CSMD3: variants seen among roughly 807,000 people sequenced by gnomAD.
CSMD3 encodes the protein CUB and sushi domain-containing protein 3.
Under a neutral mutation model 435.2 loss-of-function variants are expected in CSMD3, and 177 were observed. That is an observed-to-expected ratio of 0.41 (90% CI 0.36 to 0.46). The LOEUF (loss-of-function observed/expected upper bound fraction) is 0.46. CSMD3 is among the 20% of genes least tolerant of loss of function. CSMD3 has a pLI of 0.34. For synonymous variants in CSMD3, 1,656 were observed against 1,520.5 expected (o/e 1.09, Z -2.07); for missense variants, 4,265 against 4,504.6 (o/e 0.95, Z 1.52).
At chr8:112,725,492 T>C (rs1404178825) in intron 13 of CSMD3, among the ~76,000 whole-genome samples, 2 of 151,970 alleles carry the variant, frequency 1.3e-5, no homozygotes, top group African/African-American at 4.8e-5. Context: ...CTTTAAATTG[T>C]CCCATAGTAG....
At chr8:112,791,102 C>A (rs1475940511) in intron 13 of CSMD3, among the ~76,000 whole-genome samples, 1 of 152,012 alleles carries the variant, frequency 6.6e-6, no homozygotes, top group Non-Finnish European at 1.5e-5. Flanking sequence ...GCTGGAGGAT[C>A]ACTTGAGCCC....
chr8:112,592,911 T>A (rs925217086), intron 22 of CSMD3, among the ~76,000 whole-genome samples: 1 of 152,124 alleles, frequency 6.6e-6, no homozygotes, highest in Non-Finnish European at 1.5e-5. Context: ...TCTAGTATGA[T>A]ACAAGTTCAT....
chr8:113,424,304 A>C (rs11994371), intron 1 of CSMD3, among the ~76,000 whole-genome samples: 3,427 of 151,804 alleles, frequency 0.023, 112 homozygotes, highest in African/African-American at 0.077. Context: ...TTCATTTATG[A>C]CTCTTAACCT....
intron 32 of CSMD3, among the ~76,000 whole-genome samples, chr8:112,435,868 T>A (rs1814277247): frequency 1.3e-5 from 2 of 152,176 alleles, no homozygotes; most frequent in Non-Finnish European, 2.9e-5. Context: ...ACAATCTTGA[T>A]TATTTCTCAA....
intron 22 of CSMD3, among the ~76,000 whole-genome samples, chr8:112,596,723 C>T (rs146880995): frequency 0.57 from 86,705 of 151,584 alleles, 25,305 homozygotes; most frequent in African/African-American, 0.67. Flanking sequence ...CACTCAAAAC[C>T]GCTCAACTAG....
chr8:112,510,204 C>G (rs549987094), intron 28 of CSMD3, among the ~76,000 whole-genome samples: 1 of 152,210 alleles, frequency 6.6e-6, no homozygotes, highest in African/African-American at 2.4e-5. Flanking sequence ...ATAATTGAAA[C>G]GATTATTCCC....
Position 112,386,224 on chromosome 8 carries a change from C to T in CSMD3, c.5935-2561G>A, listed in dbSNP as rs1157284444. Among the ~76,000 whole-genome samples the T allele has an allele frequency of 1.6e-4, 25 of 152,156 alleles. 1 individual carries two copies. The highest frequency in any genetic ancestry group is 1.6e-3 in the Admixed American group (25 of 15,272). On this transcript the variant is annotated intron_variant, in intron 36 of 70. Coordinates refer to ENST00000297405, the MANE Select transcript of CSMD3 (RefSeq NM_198123.2). ...GTGCAGTAAAGCTGATTTTGGACTT[C>T]TTGCTTCCAGCGCTATGAGGAAAAA...
chr8:112,699,123 G>C (rs547079010), intron 13 of CSMD3, among the ~76,000 whole-genome samples: 1 of 152,036 alleles, frequency 6.6e-6, no homozygotes, highest in East Asian at 1.9e-4. Flanking sequence ...ACCCGCTCGC[G>C]TCCCCTTCCA....
At chr8:112,944,248 A>G (rs2083536671) in intron 9 of CSMD3, among the ~76,000 whole-genome samples, 1 of 151,628 alleles carries the variant, frequency 6.6e-6, no homozygotes, top group South Asian at 2.1e-4. Flanking sequence ...GAGCTTTCTC[A>G]TCTTCCAATC....
intron 12 of CSMD3, among the ~76,000 whole-genome samples, chr8:112,818,699 G>A (rs1163484839): frequency 6.6e-6 from 1 of 152,088 alleles, no homozygotes; most frequent in African/African-American, 2.4e-5. Flanking sequence ...GCCCTCCTCT[G>A]ACCTTTCTCT....
chr8:112,297,298 A>T (rs1209275734), intron 53 of CSMD3, among the ~76,000 whole-genome samples: 1 of 151,850 alleles, frequency 6.6e-6, no homozygotes, highest in Non-Finnish European at 1.5e-5. Context: ...AAATGATTAT[A>T]AAGGACCAAA....
At chr8:113,163,323 T>C (rs1189248915) in intron 4 of CSMD3, among the ~76,000 whole-genome samples, 1 of 151,846 alleles carries the variant, frequency 6.6e-6, no homozygotes, top group Non-Finnish European at 1.5e-5. Flanking sequence ...GAAAAAAAAA[T>C]TTGATGGAAG....
chr8:112,765,738 G>A (rs1168103425), intron 13 of CSMD3, among the ~76,000 whole-genome samples: 3 of 151,624 alleles, frequency 2.0e-5, no homozygotes, highest in Non-Finnish European at 4.4e-5. Context: ...ACATTTGTTA[G>A]TTCAAGCCAG....
At chr8:113,005,204 C>A (rs967596862) in intron 6 of CSMD3, among the ~76,000 whole-genome samples, 1 of 151,782 alleles carries the variant, frequency 6.6e-6, no homozygotes, top group African/African-American at 2.4e-5. Flanking sequence ...ACAAATCATT[C>A]GTTTTCTCAG....
intron 3 of CSMD3, among the ~76,000 whole-genome samples, chr8:113,256,030 A>T (rs1232942046): frequency 6.6e-6 from 1 of 152,070 alleles, no homozygotes; most frequent in East Asian, 1.9e-4. Context: ...TACATATATC[A>T]GAAGATGCAT....
intron 61 of CSMD3, among the ~76,000 whole-genome samples, chr8:112,258,845 C>T (rs565753128): frequency 5.8e-4 from 88 of 152,270 alleles, no homozygotes; most frequent in Middle Eastern, 3.4e-3. Context: ...CGAGACCATC[C>T]TGGCTGACAC....
chr8:112,309,640 G>C (rs892287533), intron 50 of CSMD3, among the ~76,000 whole-genome samples: 1 of 152,040 alleles, frequency 6.6e-6, no homozygotes, highest in African/African-American at 2.4e-5. Context: ...AATGCCTTCA[G>C]TGTTGATAAC....
intron 4 of CSMD3, among the ~76,000 whole-genome samples, chr8:113,142,775 G>A (rs2091579945): frequency 6.6e-6 from 1 of 150,486 alleles, no homozygotes; most frequent in Non-Finnish European, 1.5e-5. Flanking sequence ...CAAAGAAAGG[G>A]TACATGCTTG....
At chr8:112,475,223 C>G (rs527855543) in intron 31 of CSMD3, among the ~76,000 whole-genome samples, 2 of 152,126 alleles carry the variant, frequency 1.3e-5, no homozygotes, top group South Asian at 2.1e-4. Context: ...GTAACTTAGT[C>G]ATGAACATTG....
Sources: gnomAD v4.1 joint callset for allele counts (sites outside exome capture counted in the v4.1 genomes callset) on GRCh38, gnomAD v4.1.1 for gene constraint, MANE v1.5 for transcripts, NCBI Gene and HGNC (gene_info 2026-07-23, HGNC 2026-07-21) for gene names.